ST18: variants seen among roughly 807,000 people sequenced by gnomAD.
The protein encoded by ST18 is suppression of tumorigenicity 18 protein.
A neutral mutation model predicts 110.0 loss-of-function variants in ST18; 50 were observed. That is an observed-to-expected ratio of 0.45 (90% CI 0.36 to 0.58). The LOEUF is 0.58. Ranked by LOEUF, ST18 falls within the 20% of genes least tolerant of loss-of-function variation. ST18 has a pLI of 0.00. For missense variants in ST18, 1,306 were observed against 1,280.1 expected, an observed-to-expected ratio of 1.02 and a Z score of -0.31; for synonymous variants, 461 against 452.4, an observed-to-expected ratio of 1.02 and a Z score of -0.24.
At chr8:52,200,265 A>G (rs1391666334) in intron 8 of ST18, among the ~76,000 whole-genome samples, 1 of 152,266 alleles carries the variant, frequency 6.6e-6, no homozygotes, top group East Asian at 1.9e-4. Flanking sequence ...TTCATAAAAA[A>G]TAAAGCAGAA....
intron 17 of ST18, among the ~76,000 whole-genome samples, chr8:52,141,727 A>G (rs1208330673): frequency 6.6e-6 from 1 of 152,214 alleles, no homozygotes; most frequent in Non-Finnish European, 1.5e-5. Context: ...CAGAGGGAAC[A>G]GCAACCCTAA....
chr8:52,193,818 A>G (rs1425912860), intron 8 of ST18, among the ~76,000 whole-genome samples: 1 of 152,156 alleles, frequency 6.6e-6, no homozygotes, highest in Non-Finnish European at 1.5e-5. Flanking sequence ...TCATGAGCCA[A>G]CTCTCTCACC....
At chr8:52,382,954 G>T (rs1036008234) in intron 2 of ST18, among the ~76,000 whole-genome samples, 28 of 152,084 alleles carry the variant, frequency 1.8e-4, no homozygotes, top group African/African-American at 6.8e-4. Flanking sequence ...CACGAGGATT[G>T]TCTGGTAACA....
At chr8:52,283,853 G>C (rs1278750550) in intron 2 of ST18, among the ~76,000 whole-genome samples, 1 of 152,190 alleles carries the variant, frequency 6.6e-6, no homozygotes, top group Non-Finnish European at 1.5e-5. Context: ...AACTGAGAGT[G>C]AATATGGAGG....
chr8:52,394,363 C>T (rs1840375010), intron 2 of ST18, among the ~76,000 whole-genome samples: 3 of 152,040 alleles, frequency 2.0e-5, no homozygotes, highest in Non-Finnish European at 2.9e-5. Flanking sequence ...TCACAATTTC[C>T]CTAATATACT....
intron 8 of ST18, among the ~76,000 whole-genome samples, chr8:52,188,864 G>A (rs916272201): frequency 1.1e-4 from 16 of 152,178 alleles, no homozygotes; most frequent in Admixed American, 3.3e-4. Flanking sequence ...TTTCTCTTAA[G>A]AACTGGAATC....
intron 2 of ST18, among the ~76,000 whole-genome samples, chr8:52,358,067 T>C (rs182442479): frequency 1.4e-4 from 21 of 151,990 alleles, no homozygotes; most frequent in South Asian, 1.0e-3. Flanking sequence ...AAAATTTACA[T>C]GTGTATGAAA....
intron 19 of ST18, 87 bp downstream of exon 19, chr8:52,136,503 C>T: frequency 7.5e-7 from 1 of 1,333,580 alleles, no homozygotes; most frequent in Non-Finnish European, 1.1e-6. Flanking sequence ...CTGCTTGTTG[C>T]TGATCACTTG....
chr8:52,177,844 T>C (rs1353633250), intron 9 of ST18, among the ~76,000 whole-genome samples: 2 of 152,226 alleles, frequency 1.3e-5, no homozygotes, highest in Admixed American at 1.3e-4. Context: ...TCTGTAAAAC[T>C]GTGCCCATAA....
At chr8:52,149,179 G>A (rs1373872260) in intron 16 of ST18, among the ~76,000 whole-genome samples, 1 of 152,212 alleles carries the variant, frequency 6.6e-6, no homozygotes, top group Non-Finnish European at 1.5e-5. Context: ...CCACCTCCAA[G>A]ATAATCAAAT....
intron 2 of ST18, among the ~76,000 whole-genome samples, chr8:52,246,290 C>T (rs2093841768): frequency 6.6e-6 from 1 of 151,672 alleles, no homozygotes; most frequent in Non-Finnish European, 1.5e-5. Flanking sequence ...TTAAAAGAAA[C>T]AATCTAAGCC....
chr8:52,248,706 T>C (rs796451895), intron 2 of ST18, among the ~76,000 whole-genome samples: 3 of 152,288 alleles, frequency 2.0e-5, no homozygotes, highest in African/African-American at 4.8e-5. Context: ...TTTGATTTTT[T>C]CCCAAGTACA....
At chr8:52,205,098 T>TATAC (rs544613508) in intron 8 of ST18, among the ~76,000 whole-genome samples, 5 of 148,770 alleles carry the variant, frequency 3.4e-5, no homozygotes, top group African/African-American at 9.8e-5. Flanking sequence ...CATATATATA[T>TATAC]ACACACACAC....
intron 2 of ST18, among the ~76,000 whole-genome samples, chr8:52,271,183 C>A (rs1042567591): frequency 6.6e-6 from 1 of 152,166 alleles, no homozygotes; most frequent in Non-Finnish European, 1.5e-5. Flanking sequence ...TTTTTAAAGT[C>A]TCTTTCCTTA....
At chr8:52,139,364 TA>T (rs1228324026) in intron 17 of ST18, among the ~76,000 whole-genome samples, 3 of 152,016 alleles carry the variant, frequency 2.0e-5, no homozygotes, top group African/African-American at 2.4e-5. Context: ...TTTTATTTTT[TA>T]TTTTTTTTGA....
chr8:52,367,291 G>A (rs575598925), intron 2 of ST18, among the ~76,000 whole-genome samples: 3 of 112,584 alleles, frequency 2.7e-5, no homozygotes, highest in East Asian at 2.4e-4. Flanking sequence ...CTTCTAGGTC[G>A]CATGCCTGGA....
At chr8:52,355,207 T>A (rs1447518195) in intron 2 of ST18, among the ~76,000 whole-genome samples, 1 of 152,126 alleles carries the variant, frequency 6.6e-6, no homozygotes, top group Non-Finnish European at 1.5e-5. Context: ...TCCCTTCCAC[T>A]CTATCAAGAA....
intron 12 of ST18, 64 bp from the exon 13 acceptor site, chr8:52,164,154 G>A: frequency 1.5e-6 from 2 of 1,345,826 alleles, no homozygotes; most frequent in Non-Finnish European, 2.1e-6. Flanking sequence ...GTTTTGGCAT[G>A]TGCCTCACAG....
chr8:52,255,405 T>G (rs1275335676), intron 2 of ST18, among the ~76,000 whole-genome samples: 1 of 152,158 alleles, frequency 6.6e-6, no homozygotes, highest in African/African-American at 2.4e-5. Context: ...CACAAGCCCT[T>G]TTACGTCTTA....
Sources: gnomAD v4.1 joint callset for allele counts (sites outside exome capture counted in the v4.1 genomes callset) on GRCh38, gnomAD v4.1.1 for gene constraint, MANE v1.5 for transcripts, NCBI Gene and HGNC (gene_info 2026-07-23, HGNC 2026-07-21) for gene names.